The following RPS6KC1 variants were observed in gnomAD, a reference collection of about 807,000 sequenced individuals.
RPS6KC1 encodes inactive ribosomal protein S6 kinase delta-1.
In RPS6KC1, 54 loss-of-function variants were observed where a neutral mutation model predicts 103.8. The ratio of observed to expected loss-of-function variants is 0.52; its 90% CI spans 0.42 to 0.65. The LOEUF (loss-of-function observed/expected upper bound fraction) is 0.65. Ranked by LOEUF, RPS6KC1 falls within the 30% of genes least tolerant of loss-of-function variation. RPS6KC1 has a pLI of 0.00. For missense variants in RPS6KC1, 1,151 were observed against 1,253.8 expected, an observed-to-expected ratio of 0.92 and a Z score of 1.24; for synonymous variants, 439 against 438.7, an observed-to-expected ratio of 1.00 and a Z score of -0.01.
intron 6 of RPS6KC1, among the ~76,000 whole-genome samples, chr1:213,140,378 A>G (rs968696825): frequency 2.6e-5 from 4 of 151,974 alleles, no homozygotes; most frequent in Non-Finnish European, 4.4e-5. Context: ...ACTGTGTTGA[A>G]TAGGAGGGGT....
the RPS6KC1 span, among the ~76,000 whole-genome samples, chr1:213,382,819 G>A: frequency 0.86 from 131,359 of 152,236 alleles, 56,752 homozygotes; most frequent in East Asian, 0.99. Context: ...CTCTCCTTTC[G>A]GTATCCCTAA....
the RPS6KC1 span, among the ~76,000 whole-genome samples, chr1:213,776,354 A>G: frequency 6.6e-6 from 1 of 151,894 alleles, no homozygotes; most frequent in Non-Finnish European, 1.5e-5. Flanking sequence ...TTACTCCTTG[A>G]TCTATGGGCT....
chr1:213,795,723 C>T, the RPS6KC1 span, among the ~76,000 whole-genome samples: 5 of 152,134 alleles, frequency 3.3e-5, no homozygotes, highest in Non-Finnish European at 4.4e-5. Context: ...CTCCCCCAAA[C>T]GTCCACCATG....
the RPS6KC1 span, among the ~76,000 whole-genome samples, chr1:213,613,763 G>A: frequency 6.6e-6 from 1 of 152,284 alleles, no homozygotes; most frequent in Non-Finnish European, 1.5e-5. Flanking sequence ...AGGGCAAAGG[G>A]CAAGTTGGCT....
chr1:213,618,159 T>C, the RPS6KC1 span, among the ~76,000 whole-genome samples: 1 of 152,228 alleles, frequency 6.6e-6, no homozygotes, highest in African/African-American at 2.4e-5. Flanking sequence ...AAGGTGTTTC[T>C]TTATTTGAAA....
chr1:213,055,432 G>T (rs2077258220), intron 1 of RPS6KC1, among the ~76,000 whole-genome samples: 1 of 151,956 alleles, frequency 6.6e-6, no homozygotes, highest in Non-Finnish European at 1.5e-5. Flanking sequence ...CCATTGTATG[G>T]TTATACTGCA....
the RPS6KC1 span, among the ~76,000 whole-genome samples, chr1:213,331,170 A>G: frequency 1.3e-5 from 2 of 152,208 alleles, no homozygotes; most frequent in Non-Finnish European, 2.9e-5. Flanking sequence ...AAACTTTTCT[A>G]TCTGTTGATT....
chr1:213,743,086 C>T, the RPS6KC1 span, among the ~76,000 whole-genome samples: 1 of 152,334 alleles, frequency 6.6e-6, no homozygotes, highest in South Asian at 2.1e-4. Context: ...CACATGCACT[C>T]ATATGTTCAT....
At chr1:213,847,298 A>T in the RPS6KC1 span, among the ~76,000 whole-genome samples, 1 of 152,226 alleles carries the variant, frequency 6.6e-6, no homozygotes, top group Admixed American at 6.5e-5. Context: ...TAATGGACAC[A>T]TTATATTCAA....
chr1:213,505,100 C>A, the RPS6KC1 span, among the ~76,000 whole-genome samples: 1 of 152,148 alleles, frequency 6.6e-6, no homozygotes, highest in Non-Finnish European at 1.5e-5. Flanking sequence ...TTCCCTTCAC[C>A]CTGTCACTGT....
the RPS6KC1 span, among the ~76,000 whole-genome samples, chr1:213,397,130 A>C: frequency 6.6e-6 from 1 of 152,170 alleles, no homozygotes; most frequent in African/African-American, 2.4e-5. Flanking sequence ...AATGGTTGAG[A>C]ATTCTTATGG....
chr1:213,571,378 AAG>A, the RPS6KC1 span, among the ~76,000 whole-genome samples: 1 of 152,296 alleles, frequency 6.6e-6, no homozygotes, highest in Admixed American at 6.5e-5. Context: ...TGGAGGCAAT[AAG>A]AGGCGGAGAG....
chr1:213,658,412 C>T, the RPS6KC1 span, among the ~76,000 whole-genome samples: 4 of 152,106 alleles, frequency 2.6e-5, no homozygotes, highest in South Asian at 2.1e-4. Flanking sequence ...GGTTGAAGAG[C>T]GAGCACTGAG....
At chr1:213,644,119 A>G in the RPS6KC1 span, among the ~76,000 whole-genome samples, 1 of 152,078 alleles carries the variant, frequency 6.6e-6, no homozygotes, top group African/African-American at 2.4e-5. Flanking sequence ...CCCTCACTAC[A>G]GGGCATAAAT....
the RPS6KC1 span, among the ~76,000 whole-genome samples, chr1:213,374,902 T>C: frequency 6.6e-6 from 1 of 152,202 alleles, no homozygotes; most frequent in Non-Finnish European, 1.5e-5. Context: ...GGAGGGAAAA[T>C]TTAAAAGGCG....
the RPS6KC1 span, among the ~76,000 whole-genome samples, chr1:213,371,796 G>C: frequency 1.3e-5 from 2 of 152,200 alleles, no homozygotes; most frequent in African/African-American, 2.4e-5. Context: ...TGGGGCACAG[G>C]CTTTCCGGTT....
chr1:213,629,801 T>C, the RPS6KC1 span, among the ~76,000 whole-genome samples: 1 of 152,190 alleles, frequency 6.6e-6, no homozygotes, highest in South Asian at 2.1e-4. Context: ...TCTCTCAGCA[T>C]TTGCTTGTCT....
chr1:213,845,536 T>C, the RPS6KC1 span, among the ~76,000 whole-genome samples: 3,829 of 152,336 alleles, frequency 0.025, 99 homozygotes, highest in African/African-American at 0.066. Context: ...TTAAAATCTA[T>C]AGATACCAAT....
chr1:213,427,331 G>T, the RPS6KC1 span, among the ~76,000 whole-genome samples: 1 of 152,142 alleles, frequency 6.6e-6, no homozygotes, highest in Non-Finnish European at 1.5e-5. Context: ...GACCATCTAA[G>T]AATTTTTTGT....
Sources: gnomAD v4.1 joint callset for allele counts (sites outside exome capture counted in the v4.1 genomes callset) on GRCh38, gnomAD v4.1.1 for gene constraint, MANE v1.5 for transcripts, NCBI Gene and HGNC (gene_info 2026-07-23, HGNC 2026-07-21) for gene names.